MAD1L1: variants seen among roughly 807,000 people sequenced by gnomAD.
MAD1L1 encodes mitotic arrest deficient 1 like 1, also known as mitotic spindle assembly checkpoint protein MAD1.
Under a neutral mutation model 96.9 loss-of-function variants are expected in MAD1L1, and 95 were observed. The ratio of observed to expected loss-of-function variants is 0.98; its 90% CI spans 0.83 to 1.16. The LOEUF (loss-of-function observed/expected upper bound fraction) is 1.16, where lower values mean the gene tolerates loss of function less well. Ranked by LOEUF, MAD1L1 falls within the 50% of genes most tolerant of loss-of-function variation. MAD1L1 has a pLI of 0.00. For missense variants in MAD1L1, 1,007 were observed against 954.4 expected, an observed-to-expected ratio of 1.06 and a Z score of -0.73; for synonymous variants, 473 against 396.6, an observed-to-expected ratio of 1.19 and a Z score of -2.29.
At chr7:2,069,048 C>T in intron 12 of MAD1L1, 146 bp downstream of exon 12, 1 of 1,096,328 alleles carries the variant, frequency 9.1e-7, no homozygotes, top group Non-Finnish European at 1.2e-6. Context: ...CTGGCATTCC[C>T]AGAACCCTCC....
intron 11 of MAD1L1, among the ~76,000 whole-genome samples, chr7:2,081,263 G>A (rs1447826356): frequency 6.6e-6 from 1 of 152,158 alleles, no homozygotes; most frequent in Non-Finnish European, 1.5e-5. Context: ...GGAGTCACTT[G>A]GGGCCAGGGT....
intron 5 of MAD1L1, chr7:2,220,786 A>G (rs1040195283): frequency 4.1e-6 from 5 of 1,224,358 alleles, no homozygotes; most frequent in Non-Finnish European, 5.6e-6. Flanking sequence ...ACAACAGTGA[A>G]GCATCAACCT....
chr7:2,010,838 G>T (rs1176314424), intron 13 of MAD1L1, among the ~76,000 whole-genome samples: 1 of 152,158 alleles, frequency 6.6e-6, no homozygotes, highest in Non-Finnish European at 1.5e-5. Context: ...GCATGCGCAG[G>T]GCCGGGCAAG....
chr7:2,009,032 C>G (rs1782168820), intron 13 of MAD1L1, among the ~76,000 whole-genome samples: 1 of 152,172 alleles, frequency 6.6e-6, no homozygotes. Flanking sequence ...ACGCCCCGGC[C>G]CCGCAACCCT....
intron 4 of MAD1L1, among the ~76,000 whole-genome samples, chr7:2,224,695 A>G (rs1273461366): frequency 6.6e-6 from 1 of 152,180 alleles, no homozygotes; most frequent in Non-Finnish European, 1.5e-5. Flanking sequence ...CCTTGGCAGC[A>G]TTTCCACAAC....
intron 12 of MAD1L1, among the ~76,000 whole-genome samples, chr7:2,052,088 C>T (rs1296814042): frequency 6.6e-6 from 1 of 152,126 alleles, no homozygotes; most frequent in African/African-American, 2.4e-5. Context: ...GAAGGAGCCC[C>T]CGGCAGGCCA....
At chr7:1,849,985 C>T (rs1441127342) in intron 18 of MAD1L1, 1 of 152,206 alleles carries the variant, frequency 6.6e-6, no homozygotes, top group African/African-American at 2.4e-5. Flanking sequence ...CACCTTCCTC[C>T]AAGGAAGAAA....
chr7:2,137,042 T>C (rs1040954242), intron 11 of MAD1L1, among the ~76,000 whole-genome samples: 6 of 152,172 alleles, frequency 3.9e-5, no homozygotes, highest in African/African-American at 7.2e-5. Flanking sequence ...TCTCCCCAGA[T>C]AGCAGCTCCT....
At chr7:1,908,441 G>A (rs1007425014) in intron 17 of MAD1L1, among the ~76,000 whole-genome samples, 3 of 152,122 alleles carry the variant, frequency 2.0e-5, no homozygotes, top group Non-Finnish European at 4.4e-5. Context: ...GAGTGCAGTG[G>A]CGCGATCGTG....
chr7:1,973,749 C>G (rs1306792998), intron 15 of MAD1L1, among the ~76,000 whole-genome samples: 1 of 152,122 alleles, frequency 6.6e-6, no homozygotes, highest in Non-Finnish European at 1.5e-5. Context: ...TGAAGACCCC[C>G]CTCCACATCC....
intron 12 of MAD1L1, among the ~76,000 whole-genome samples, chr7:2,060,462 C>T (rs116081997): frequency 0.01 from 1,593 of 152,212 alleles, 26 homozygotes; most frequent in African/African-American, 0.037. Flanking sequence ...CGAGATAACG[C>T]TGATGTCGAG....
intron 18 of MAD1L1, among the ~76,000 whole-genome samples, chr7:1,862,911 C>G (rs889078656): frequency 6.6e-6 from 1 of 152,286 alleles, no homozygotes; most frequent in Non-Finnish European, 1.5e-5. Context: ...AAGGGGCCCG[C>G]AGGGTCAGAT....
intron 15 of MAD1L1, among the ~76,000 whole-genome samples, chr7:1,967,143 C>T (rs1275103635): frequency 6.6e-6 from 1 of 152,166 alleles, no homozygotes; most frequent in Non-Finnish European, 1.5e-5. Flanking sequence ...GGGCAAGGGA[C>T]CTGCCGGGAG....
intron 3 of MAD1L1, among the ~76,000 whole-genome samples, chr7:2,228,097 C>T (rs1794001420): frequency 6.6e-6 from 1 of 152,094 alleles, no homozygotes. Flanking sequence ...GTCTTGCCGC[C>T]ATCACTCCGC....
intron 10 of MAD1L1, among the ~76,000 whole-genome samples, chr7:2,205,408 A>G (rs767263635): frequency 1.3e-5 from 2 of 152,128 alleles, no homozygotes; most frequent in Non-Finnish European, 2.9e-5. Flanking sequence ...GGTCTTTGGG[A>G]TATTTTTCAG....
At chr7:1,834,244 G>A (rs559795263) in intron 18 of MAD1L1, among the ~76,000 whole-genome samples, 1 of 152,174 alleles carries the variant, frequency 6.6e-6, no homozygotes, top group East Asian at 1.9e-4. Flanking sequence ...TCAAATCAGA[G>A]ACTTCAGCTT....
intron 12 of MAD1L1, among the ~76,000 whole-genome samples, chr7:2,056,243 G>C (rs1784383518): frequency 6.6e-6 from 1 of 152,174 alleles, no homozygotes; most frequent in Non-Finnish European, 1.5e-5. Context: ...TGCTACCTAA[G>C]ACCAAAAATT....
intron 17 of MAD1L1, among the ~76,000 whole-genome samples, chr7:1,916,658 G>A (rs566679251): frequency 1.3e-5 from 2 of 152,268 alleles, no homozygotes; most frequent in East Asian, 3.9e-4. Context: ...GCCAGGCCTG[G>A]GGGATGATCA....
intron 17 of MAD1L1, among the ~76,000 whole-genome samples, chr7:1,926,862 T>TAC (rs1169850535): frequency 2.0e-5 from 3 of 152,212 alleles, no homozygotes; most frequent in Admixed American, 1.3e-4. Flanking sequence ...CTCAGCACCA[T>TAC]ACTAAGGTCC....
Sources: gnomAD v4.1 joint callset for allele counts (sites outside exome capture counted in the v4.1 genomes callset) on GRCh38, gnomAD v4.1.1 for gene constraint, MANE v1.5 for transcripts, NCBI Gene and HGNC (gene_info 2026-07-23, HGNC 2026-07-21) for gene names.